The following SLC35F4 variants were observed in gnomAD, a reference collection of about 807,000 sequenced individuals.
SLC35F4 encodes chromosome 14 open reading frame 36.
In SLC35F4, 24 loss-of-function variants were observed where a neutral mutation model predicts 44.2. That is an observed-to-expected ratio of 0.54 (90% confidence interval 0.39 to 0.76). The LOEUF (loss-of-function observed/expected upper bound fraction) is 0.76. Among genes scored for constraint, SLC35F4 ranks in the 30% least tolerant of loss-of-function variants. The pLI, the probability that SLC35F4 is intolerant of heterozygous loss-of-function variation, is 0.00. For synonymous variants in SLC35F4, 238 were observed against 223.6 expected (o/e 1.06, Z -0.57); for missense variants, 562 against 586.1 (o/e 0.96, Z 0.42).
At chr14:57,967,847 T>C (rs965099195) in intron 1 of SLC35F4, among the ~76,000 whole-genome samples, 8 of 152,172 alleles carry the variant, frequency 5.3e-5, no homozygotes, top group Non-Finnish European at 7.4e-5. Flanking sequence ...CCCAAATTCA[T>C]GCAAAGAATT....
intron 3 of SLC35F4, among the ~76,000 whole-genome samples, chr14:57,585,597 C>T (rs909302409): frequency 6.6e-5 from 10 of 152,178 alleles, no homozygotes; most frequent in Admixed American, 2.0e-4. Context: ...AAAACCCTAC[C>T]GCCTCAGCCT....
chr14:57,691,873 T>G (rs1192802818), intron 1 of SLC35F4, among the ~76,000 whole-genome samples: 1 of 151,944 alleles, frequency 6.6e-6, no homozygotes, highest in East Asian at 1.9e-4. Flanking sequence ...ACAAAGGAGG[T>G]CTCAGTGAGA....
chr14:57,843,038 T>G (rs1438269731), intron 1 of SLC35F4, among the ~76,000 whole-genome samples: 1 of 152,174 alleles, frequency 6.6e-6, no homozygotes, highest in Non-Finnish European at 1.5e-5. Context: ...CTCTTGGACT[T>G]ACACCAGTGA....
At chr14:57,717,023 C>T (rs2075963758) in intron 1 of SLC35F4, among the ~76,000 whole-genome samples, 2 of 152,162 alleles carry the variant, frequency 1.3e-5, no homozygotes, top group South Asian at 4.1e-4. Context: ...CCTACAGGCT[C>T]ACCCATGTTG....
At chr14:57,861,378 A>ACTAT (rs1887664170) in intron 1 of SLC35F4, among the ~76,000 whole-genome samples, 1 of 152,148 alleles carries the variant, frequency 6.6e-6, no homozygotes, top group South Asian at 2.1e-4. Flanking sequence ...GTTTCCATAC[A>ACTAT]CTATCTCTCC....
downstream of SLC35F4, among the ~76,000 whole-genome samples, chr14:57,976,404 T>C (rs1881219727): frequency 6.6e-6 from 1 of 152,202 alleles, no homozygotes; most frequent in Non-Finnish European, 1.5e-5. Flanking sequence ...AACATTCACA[T>C]TGATTTCCTG....
intron 1 of SLC35F4, among the ~76,000 whole-genome samples, chr14:57,710,143 C>T (rs1336355828): frequency 2.0e-5 from 3 of 152,212 alleles, no homozygotes; most frequent in Non-Finnish European, 4.4e-5. Context: ...TGTGCAGTCT[C>T]AAGACATGGT....
In SLC35F4 at chr14:57,649,743, G is replaced by T. The variant is rs115874891; in HGVS notation, c.104-55619C>A. Among the ~76,000 whole-genome samples the T allele has an allele frequency of 5.1e-3, 770 of 152,148 alleles. 10 individuals are homozygous for T. The highest frequency in any genetic ancestry group is 0.017 in the African/African-American group (720 of 41,526). On this transcript the variant is annotated intron_variant, in intron 1 of 7. Transcript: ENST00000556826. Reference sequence around the variant, plus strand: ...GTGATGGGCACTAGGTAATGTTGGCGAAATGAATGAATATACCTTTTTTGT... The same window carrying T: ...GTGATGGGCACTAGGTAATGTTGGCTAAATGAATGAATATACCTTTTTTGT...
chr14:57,788,683 A>C (rs558179646), intron 1 of SLC35F4, among the ~76,000 whole-genome samples: 2 of 152,288 alleles, frequency 1.3e-5, no homozygotes, highest in South Asian at 4.1e-4. Context: ...CATCTACAGG[A>C]CTCTCGACCC....
chr14:57,934,655 G>C (rs1370006376), intron 1 of SLC35F4, among the ~76,000 whole-genome samples: 1 of 151,964 alleles, frequency 6.6e-6, no homozygotes, highest in African/African-American at 2.4e-5. Flanking sequence ...CCTCCTGCTT[G>C]TACACAGCTA....
chr14:57,706,638 GC>G (rs2075683611), intron 1 of SLC35F4, among the ~76,000 whole-genome samples: 1 of 152,208 alleles, frequency 6.6e-6, no homozygotes, highest in Non-Finnish European at 1.5e-5. Flanking sequence ...CAAAGTTCAA[GC>G]AGAGCCCAGT....
intron 1 of SLC35F4, among the ~76,000 whole-genome samples, chr14:57,887,444 A>T (rs970566367): frequency 6.6e-6 from 1 of 152,162 alleles, no homozygotes; most frequent in African/African-American, 2.4e-5. Flanking sequence ...AACCCGATAA[A>T]CGGGATGTTA....
At chr14:57,781,667 C>T (rs1440152960) in intron 1 of SLC35F4, among the ~76,000 whole-genome samples, 1 of 152,096 alleles carries the variant, frequency 6.6e-6, no homozygotes, top group Non-Finnish European at 1.5e-5. Flanking sequence ...AACCTAAATG[C>T]TCATCAATGG....
rs150433590 is a variant in SLC35F4, at chr14:57,894,716, T to C, written n.282+87197A>G. ...TTATATTCATGGAATAATTAACCTT[T>C]CACTCATCAAAAACTAGTAACAAAT... On this transcript the variant is annotated intron_variant and non_coding_transcript_variant, in intron 1 of 1. Coordinates refer to the SLC35F4 transcript ENST00000556568. 2.4e-4 allele frequency among the ~76,000 whole-genome samples: 37 copies of C among 152,246 alleles called. No homozygotes were observed. The East Asian group carries it at 6.8e-3, about 28-fold the overall frequency.
intron 1 of SLC35F4, among the ~76,000 whole-genome samples, chr14:57,826,562 A>C (rs1883789977): frequency 6.6e-6 from 1 of 152,218 alleles, no homozygotes; most frequent in South Asian, 2.1e-4. Context: ...CTATCATCAG[A>C]GTAAACAGAC....
downstream of SLC35F4, among the ~76,000 whole-genome samples, chr14:57,971,762 G>T (rs1385729660): frequency 6.6e-6 from 1 of 152,184 alleles, no homozygotes; most frequent in East Asian, 1.9e-4. Flanking sequence ...GGAGATGTTG[G>T]CCAGAGGGTA....
intron 1 of SLC35F4, among the ~76,000 whole-genome samples, chr14:57,703,772 C>G (rs1444670942): frequency 6.6e-6 from 1 of 152,172 alleles, no homozygotes. Flanking sequence ...CTCTAATAAG[C>G]TGAAAATATC....
At chr14:57,645,587 G>A (rs59079952) in intron 1 of SLC35F4, among the ~76,000 whole-genome samples, 8 of 147,504 alleles carry the variant, frequency 5.4e-5, no homozygotes, top group Admixed American at 2.0e-4. Flanking sequence ...ATTTGACTTC[G>A]TCTTTTCCTA....
intron 1 of SLC35F4, among the ~76,000 whole-genome samples, chr14:57,716,104 TG>T (rs1169463221): frequency 3.3e-5 from 5 of 152,132 alleles, no homozygotes; most frequent in African/African-American, 1.2e-4. Context: ...GAGAGAGGAA[TG>T]GTGAACACCA....
Sources: allele counts gnomAD v4.1 joint callset (sites outside exome capture counted in the v4.1 genomes callset), GRCh38; gene constraint gnomAD v4.1.1; transcripts MANE v1.5; gene names NCBI Gene and HGNC (gene_info 2026-07-23, HGNC 2026-07-21).